The following MKRN2 variants were observed in gnomAD, a reference collection of about 807,000 sequenced individuals.
The protein encoded by MKRN2 is E3 ubiquitin-protein ligase makorin-2.
In MKRN2, 32 loss-of-function variants were observed where a neutral mutation model predicts 45.4. The ratio of observed to expected loss-of-function variants is 0.70; its 90% confidence interval spans 0.53 to 0.95. The LOEUF (loss-of-function observed/expected upper bound fraction) is 0.95, where lower values mean the gene tolerates loss of function less well. Ranked by LOEUF, MKRN2 falls within the 40% of genes least tolerant of loss-of-function variation. MKRN2 has a pLI of 0.00. For synonymous variants in MKRN2, 206 were observed against 192.4 expected (o/e 1.07, Z -0.59); for missense variants, 526 against 536.7 (o/e 0.98, Z 0.20).
chr3:12,559,911 C>G (rs946694943), intron 1 of MKRN2, among the ~76,000 whole-genome samples: 9 of 152,140 alleles, frequency 5.9e-5, no homozygotes, highest in Non-Finnish European at 1.2e-4. Context: ...ATTTCATTGT[C>G]CTAAGATAGT....
chr3:12,572,154 G>A lies in MKRN2; in HGVS notation c.423G>A (p.Glu141=), dbSNP rs927355441. The change falls in exon 4 of 8, where the codon GAG becomes GAA. Residue 141 remains glutamate (E), a synonymous_variant. Coordinates refer to ENST00000170447, the MANE Select transcript of MKRN2 (RefSeq NM_014160.5). ...GCAGCGACCCCCAGCCCAGCCCCGA[G>A]ATGAAGCCGCATTCCTACCTGGATG... ...GSCSDPQPSP[E]MKPHSYLDAI... is the part of the protein sequence containing the mutation. The A allele has an allele frequency of 1.2e-6, 2 of 1,614,026 alleles. No homozygotes were observed. The highest frequency in any genetic ancestry group is 2.7e-5 in the African/African-American group (2 of 74,916).
rs1559388799 is a variant in MKRN2, at chr3:12,570,141, C to G, written c.226C>G (p.Pro76Ala). ...CACCATGGCCCACAGTGTGCCCTCC[C>G]CAGCTTTCCACAGTCCTCACCCTCC... ...VGTMAHSVPS[P>A]AFHSPHPPSE... Residue 76 changes from proline to alanine, a missense_variant, in exon 3 of 8, where the codon CCA (proline) becomes GCA (alanine). Transcript: ENST00000170447. 1 of 1,614,068 alleles carries G rather than the reference C, an allele frequency of 6.2e-7. No individual in the cohort carries two copies. The highest frequency in any genetic ancestry group is 8.5e-7 in the Non-Finnish European group (1 of 1,180,018).
chr3:12,580,475 C>G (rs191551277), intron 6 of MKRN2, among the ~76,000 whole-genome samples: 2 of 119,712 alleles, frequency 1.7e-5, no homozygotes, highest in Non-Finnish European at 3.2e-5. Context: ...CCCAGTGAGA[C>G]GAAGTCTCAC....
chr3:12,557,179 C>G lies in MKRN2; in HGVS notation c.26+3C>G, dbSNP rs1479258254. 6.5e-7 allele frequency: 1 copy of G among 1,536,770 alleles called. No individual in the cohort carries two copies. The highest frequency in any genetic ancestry group is 1.4e-5 in the African/African-American group (1 of 71,206). On this transcript the variant is annotated splice_donor_region_variant and intron_variant, in intron 1 of 7. Coordinates refer to ENST00000170447, the MANE Select transcript of MKRN2 (RefSeq NM_014160.5). ...AGCACCAAGCAGATCACTTGCAGGT[C>G]AGTGCGCTGGAGCCAGGAGCTTCGG...
intron 6 of MKRN2, among the ~76,000 whole-genome samples, chr3:12,581,569 T>C (rs993010506): frequency 2.0e-5 from 3 of 152,206 alleles, no homozygotes; most frequent in African/African-American, 7.2e-5. Flanking sequence ...GGCAGGTTAA[T>C]ATCCTTTGCA....
Position 12,579,478 on chromosome 3 carries a change from C to T in MKRN2, c.969-2330C>T, listed in dbSNP as rs545589684. ...CACTGTGCCCCGCCAAGTAAGACAA[C>T]TTCATGGGAAACTGCAAAAGGGCAA... On this transcript the variant is annotated intron_variant, in intron 6 of 7. Coordinates refer to ENST00000170447, the MANE Select transcript of MKRN2 (RefSeq NM_014160.5). 2.6e-3 allele frequency among the ~76,000 whole-genome samples: 402 copies of T among 152,270 alleles called. 1 individual carries two copies. The highest frequency in any genetic ancestry group is 9.1e-3 in the African/African-American group (379 of 41,564).
chr3:12,583,466 A>AAATT lies in MKRN2; in HGVS notation c.*1215_*1218dup, dbSNP rs142163999. 3,564 of 198,914 alleles carry AAATT rather than the reference A, an allele frequency of 0.018. 36 individuals are homozygous for AAATT. Among genetic ancestry groups the AAATT allele is most frequent in the Non-Finnish European group, 0.026 (2,527 of 96,402 alleles). The allele number at this position is 198,914 out of a possible 1,614,324, so 12.3% of individuals were successfully genotyped here. A position where few individuals can be genotyped will look rare whatever the true frequency, so the allele number is the denominator to read the frequency against. ...GAGGTTTACAAAGAGTACAAAGGTT[A>AAATT]AATTACAAATTCATTCCCAGCCTAG... is the stretch of plus-strand genomic sequence containing the variant. On this transcript the variant is annotated 3_prime_UTR_variant, in exon 8 of 8. Coordinates refer to ENST00000170447, the MANE Select transcript of MKRN2 (RefSeq NM_014160.5).
In MKRN2 at chr3:12,582,257, G is replaced by A; in HGVS notation, c.*4G>A. ...AGTGGAATCATCAGAACCCTAAAGA[G>A]TAGATGGTTGCCCTGCATCTTGGGC... On this transcript the variant is annotated 3_prime_UTR_variant, in exon 8 of 8. Transcript: ENST00000170447. 2 of 1,613,738 alleles carry A rather than the reference G, an allele frequency of 1.2e-6. No homozygotes were observed. Among genetic ancestry groups the A allele is most frequent in the South Asian group, 2.2e-5 (2 of 91,072 alleles).
chr3:12,558,828 AGTCATGTTT>A (rs2058008143), intron 1 of MKRN2, among the ~76,000 whole-genome samples: 1 of 152,196 alleles, frequency 6.6e-6, no homozygotes, highest in Non-Finnish European at 1.5e-5. Flanking sequence ...TTAAGTGTTT[AGTCATGTTT>A]GTTGGGGACT....
At position 12,574,952 on chromosome 3, in the gene MKRN2, T is replaced by G; in HGVS notation, c.803T>G (p.Leu268Trp). The G allele has an allele frequency of 6.2e-7, 1 of 1,614,274 alleles. No individual in the cohort carries two copies. Among genetic ancestry groups the G allele is most frequent in the African/African-American group, 1.3e-5 (1 of 75,078 alleles). Residue 268 changes from leucine to tryptophan, a missense_variant, in exon 5 of 8, where the codon TTG becomes TGG. Physicochemically the swap from Leu to Trp is moderately conservative, Grantham distance 61. Transcript: ENST00000170447. The stretch of plus-strand genomic sequence containing the variant: ...TCCAATTGCAATCACACGTACTGTT[T>G]GTCCTGCATCCGGCAGTGGCGGTGT... Reference protein sequence around the residue: ...ILSNCNHTYCLSCIRQWRCAK... With the variant: ...ILSNCNHTYCWSCIRQWRCAK...
intron 3 of MKRN2, among the ~76,000 whole-genome samples, chr3:12,570,883 CAAAAAAAAAA>C (rs889392244): frequency 2.0e-5 from 1 of 48,784 alleles, no homozygotes; most frequent in Non-Finnish European, 4.5e-5. Flanking sequence ...GACTCCCTCT[CAAAAAAAAAA>C]AAAAAAAAAA....
In MKRN2 at chr3:12,557,123, A is replaced by G. The variant is rs944965670; in HGVS notation, c.-28A>G. 4.7e-6 allele frequency: 7 copies of G among 1,486,598 alleles called. No individual in the cohort carries two copies. The highest frequency in any genetic ancestry group is 4.4e-5 in the African/African-American group (3 of 68,334). 92.1% of individuals were successfully genotyped at this position (1,486,598 alleles called of 1,614,324 possible). A position where few individuals can be genotyped will look rare whatever the true frequency, so the allele number is the denominator to read the frequency against. The stretch of plus-strand genomic sequence containing the variant: ...GGCAGCGGCTGCGAGAGGCGGCGGC[A>G]CGACGACGGTCCCTCAGCCCAGCCA... On this transcript the variant is annotated 5_prime_UTR_variant, in exon 1 of 8. Transcript: ENST00000170447.
intron 3 of MKRN2, among the ~76,000 whole-genome samples, chr3:12,571,228 A>T (rs189835993): frequency 3.1e-4 from 47 of 151,872 alleles, no homozygotes; most frequent in African/African-American, 1.1e-3. Context: ...CTCTTGCCTC[A>T]GCCTTCTGAG....
chr3:12,570,315 T>C, intron 3 of MKRN2, 63 bp downstream of exon 3: 3 of 1,511,096 alleles, frequency 2.0e-6, no homozygotes, highest in Non-Finnish European at 2.7e-6. Flanking sequence ...TGCTTGGTGC[T>C]CCTTTCTAGC....
intron 1 of MKRN2, among the ~76,000 whole-genome samples, chr3:12,564,244 C>T (rs1269946378): frequency 6.6e-6 from 1 of 152,108 alleles, no homozygotes; most frequent in Non-Finnish European, 1.5e-5. Context: ...CTGGGCCTGG[C>T]CTGAATTATT....
chr3:12,559,754 C>T (rs528407511), intron 1 of MKRN2, among the ~76,000 whole-genome samples: 39 of 152,300 alleles, frequency 2.6e-4, no homozygotes, highest in African/African-American at 8.4e-4. Context: ...GCTGATTCCC[C>T]TCCCCCACAA....
In MKRN2 at chr3:12,581,990, C is replaced by A. The variant is rs573883880; in HGVS notation, c.1113+38C>A. ...GCCATCTCTAGTTGGGGACACTTAG[C>A]AGCTGTGGGCATTTCCAGGTACCGT... On this transcript the variant is annotated intron_variant, in intron 7 of 7. Transcript: ENST00000170447. The A allele has an allele frequency of 1.1e-4, 176 of 1,609,794 alleles. 1 individual carries two copies. The South Asian group carries it at 1.7e-3, about 15-fold the overall frequency.
At chr3:12,575,381 C>T (rs1476310984) in intron 5 of MKRN2, among the ~76,000 whole-genome samples, 5 of 152,068 alleles carry the variant, frequency 3.3e-5, no homozygotes, top group Non-Finnish European at 5.9e-5. Flanking sequence ...CCACCAAAAA[C>T]GAAAATAGGG....
intron 4 of MKRN2, among the ~76,000 whole-genome samples, chr3:12,573,165 G>C (rs1165061593): frequency 6.6e-6 from 1 of 152,120 alleles, no homozygotes; most frequent in African/African-American, 2.4e-5. Flanking sequence ...AATGTCTGCA[G>C]TGTTTTGGGA....
Sources: allele counts gnomAD v4.1 joint callset (sites outside exome capture counted in the v4.1 genomes callset), GRCh38; gene constraint gnomAD v4.1.1; transcripts MANE v1.5; gene names NCBI Gene and HGNC (gene_info 2026-07-23, HGNC 2026-07-21).